The following PTPRG variants were observed in gnomAD, a reference collection of about 807,000 sequenced individuals.
PTPRG encodes the protein protein tyrosine phosphatase receptor type G.
Under a neutral mutation model 165.3 loss-of-function variants are expected in PTPRG, and 102 were observed. The observed-to-expected ratio is 0.62, with a 90% confidence interval of 0.53 to 0.73. The LOEUF (loss-of-function observed/expected upper bound fraction) is 0.73, where lower values mean the gene tolerates loss of function less well. Among genes scored for constraint, PTPRG ranks in the 30% least tolerant of loss-of-function variants. The pLI is 0.00. For synonymous variants in PTPRG, 675 were observed against 669.5 expected (o/e 1.01, Z -0.13); for missense variants, 1,866 against 1,861.4 (o/e 1.00, Z -0.05).
chr3:62,064,782 G>A (rs1252268325), intron 4 of PTPRG, among the ~76,000 whole-genome samples: 1 of 135,766 alleles, frequency 7.4e-6, no homozygotes, highest in Non-Finnish European at 1.5e-5. Flanking sequence ...GCCCAGCCTG[G>A]AGTATAATGG....
chr3:61,699,707 C>A (rs1413382701), intron 1 of PTPRG, among the ~76,000 whole-genome samples: 1 of 152,132 alleles, frequency 6.6e-6, no homozygotes, highest in Non-Finnish European at 1.5e-5. Context: ...TTGTCTGCTG[C>A]TGCATCACAA....
chr3:62,123,681 G>A (rs1212803828), intron 5 of PTPRG, among the ~76,000 whole-genome samples: 4 of 152,022 alleles, frequency 2.6e-5, no homozygotes, highest in African/African-American at 9.7e-5. Context: ...TGCAGAAATA[G>A]ACATCTCTGC....
chr3:61,789,810 A>G (rs981637959), intron 2 of PTPRG, among the ~76,000 whole-genome samples: 5 of 152,150 alleles, frequency 3.3e-5, no homozygotes, highest in Non-Finnish European at 4.4e-5. Flanking sequence ...TCACGAGTTG[A>G]TTGTTATTTG....
rs183365174 is a variant in PTPRG at position 61,745,120 on chromosome 3, G to C, written c.86-3758G>C. 1.2e-3 allele frequency among the ~76,000 whole-genome samples: 166 copies of C among 140,096 alleles called. 1 individual carries two copies. The highest frequency in any genetic ancestry group is 4.0e-3 in the African/African-American group (150 of 37,142). 91.9% of individuals were successfully genotyped at this position (140,096 alleles called of 152,430 possible). A position where few individuals can be genotyped will look rare whatever the true frequency, so the allele number is the denominator to read the frequency against. On this transcript the variant is annotated intron_variant, in intron 1 of 29. Coordinates refer to ENST00000474889, the MANE Select transcript of PTPRG (RefSeq NM_002841.4). ...GGCTGGAGTGCAGTGGCGTGATCTC[G>C]GCTCTCTGCAAGCTCCGCCTCCTGG...
chr3:61,953,988 G>A (rs753148178), intron 2 of PTPRG, among the ~76,000 whole-genome samples: 5 of 152,204 alleles, frequency 3.3e-5, no homozygotes, highest in Non-Finnish European at 7.3e-5. Context: ...CAAACCAGCT[G>A]CAAATATGTA....
At chr3:61,744,944 A>C (rs2033138741) in intron 1 of PTPRG, among the ~76,000 whole-genome samples, 1 of 152,030 alleles carries the variant, frequency 6.6e-6, no homozygotes, top group Non-Finnish European at 1.5e-5. Flanking sequence ...TTATGTAAAC[A>C]GGTACATAAC....
At chr3:62,153,394 A>C (rs780472637) in intron 6 of PTPRG, among the ~76,000 whole-genome samples, 1 of 152,246 alleles carries the variant, frequency 6.6e-6, no homozygotes, top group Non-Finnish European at 1.5e-5. Flanking sequence ...GAAGTAGCTC[A>C]GAGAGGTTAA....
Position 62,156,962 on chromosome 3 carries a change from A to C in PTPRG, c.683-105A>C. On this transcript the variant is annotated intron_variant, in intron 6 of 29. Transcript: ENST00000474889. ...GCTTCTCAGGATATAAACAAACATA[A>C]GGCTTGCGATGTGGCACCAGCATGC... The C allele has an allele frequency of 3.0e-6, 3 of 1,014,614 alleles. No individual in the cohort carries two copies. In the South Asian group the frequency reaches 4.5e-5, roughly 15 times the overall value. 62.9% of individuals were successfully genotyped at this position (1,014,614 alleles called of 1,614,324 possible).
intron 5 of PTPRG, among the ~76,000 whole-genome samples, chr3:62,117,072 A>G (rs1333943799): frequency 2.0e-5 from 3 of 152,210 alleles, no homozygotes; most frequent in African/African-American, 4.8e-5. Flanking sequence ...TTTACTTTCT[A>G]TGACACTTGC....
intron 4 of PTPRG, among the ~76,000 whole-genome samples, chr3:62,060,829 C>T (rs1188212264): frequency 6.6e-6 from 1 of 152,186 alleles, no homozygotes; most frequent in Non-Finnish European, 1.5e-5. Flanking sequence ...TTAAGGTTTT[C>T]TGCCCTCCTT....
At chr3:61,963,093 A>G (rs1255715550) in intron 2 of PTPRG, among the ~76,000 whole-genome samples, 2 of 152,170 alleles carry the variant, frequency 1.3e-5, no homozygotes, top group Non-Finnish European at 2.9e-5. Flanking sequence ...TTATGCAAAT[A>G]TAATTAAATT....
At chr3:62,171,679 T>A (rs1316908773) in intron 8 of PTPRG, among the ~76,000 whole-genome samples, 1 of 152,218 alleles carries the variant, frequency 6.6e-6, no homozygotes, top group Non-Finnish European at 1.5e-5. Flanking sequence ...AGGTCATTTT[T>A]TTTTTATTGC....
chr3:62,033,823 A>G (rs1198028295), intron 4 of PTPRG, among the ~76,000 whole-genome samples: 1 of 152,118 alleles, frequency 6.6e-6, no homozygotes, highest in Non-Finnish European at 1.5e-5. Context: ...GCTGGAGTGC[A>G]GTGGTGTGAC....
chr3:62,268,119 A>G (rs982436196), intron 19 of PTPRG, among the ~76,000 whole-genome samples: 10 of 152,062 alleles, frequency 6.6e-5, no homozygotes, highest in Admixed American at 3.9e-4. Flanking sequence ...GACTTGAACA[A>G]TGATTACGAG....
At chr3:61,937,173 A>G (rs914080281) in intron 2 of PTPRG, among the ~76,000 whole-genome samples, 2 of 152,192 alleles carry the variant, frequency 1.3e-5, no homozygotes, top group African/African-American at 4.8e-5. Flanking sequence ...GAAAGATGCA[A>G]ACCTTCAAGG....
At chr3:62,009,594 G>A (rs866468335) in intron 4 of PTPRG, among the ~76,000 whole-genome samples, 4 of 152,108 alleles carry the variant, frequency 2.6e-5, no homozygotes, top group Non-Finnish European at 5.9e-5. Context: ...CCTGGAATAC[G>A]TCTGTCACAT....
chr3:61,958,709 T>C (rs925415349), intron 2 of PTPRG, among the ~76,000 whole-genome samples: 3 of 152,210 alleles, frequency 2.0e-5, no homozygotes, highest in Non-Finnish European at 2.9e-5. Context: ...ATCTTATCTA[T>C]CTTTGCTTTC....
intron 1 of PTPRG, among the ~76,000 whole-genome samples, chr3:61,745,669 C>T (rs17065276): frequency 0.02 from 3,112 of 152,274 alleles, 110 homozygotes; most frequent in African/African-American, 0.07. Flanking sequence ...AAGTGAATTA[C>T]CTTTAGACAG....
chr3:62,176,702 T>C (rs944058192), intron 8 of PTPRG, among the ~76,000 whole-genome samples: 1 of 152,162 alleles, frequency 6.6e-6, no homozygotes, highest in Non-Finnish European at 1.5e-5. Flanking sequence ...CTGAGAGTCC[T>C]GCACCCACTT....
Sources: allele counts gnomAD v4.1 joint callset (sites outside exome capture counted in the v4.1 genomes callset), GRCh38; gene constraint gnomAD v4.1.1; transcripts MANE v1.5; gene names NCBI Gene and HGNC (gene_info 2026-07-23, HGNC 2026-07-21).